The following AQP6 variants were observed in gnomAD, a reference collection of about 807,000 sequenced individuals.
AQP6 encodes the protein aquaporin 6.
AQP6 carries 14 observed loss-of-function variants against 16.3 expected under a neutral mutation model. The observed-to-expected ratio is 0.86, with a 90% CI of 0.57 to 1.34. The LOEUF (loss-of-function observed/expected upper bound fraction) is 1.34, where lower values mean the gene tolerates loss of function less well. Ranked by LOEUF, AQP6 falls within the 40% of genes most tolerant of loss-of-function variation. The probability of loss-of-function intolerance (pLI) is 0.00; values close to 1 mark genes in which losing one functional copy is unlikely to be tolerated. For missense variants in AQP6, 331 were observed against 379.7 expected, an observed-to-expected ratio of 0.87 and a Z score of 1.07; for synonymous variants, 178 against 166.8, an observed-to-expected ratio of 1.07 and a Z score of -0.52.
At chr12:49,974,165 A>T (rs1565644593) in intron 1 of AQP6, 159 bp from the exon 2 acceptor site, 27 of 1,359,378 alleles carry the variant, frequency 2.0e-5, no homozygotes, top group Non-Finnish European at 2.5e-5. Flanking sequence ...TCCAGAGCAG[A>T]TATGGACCCC....
At position 49,976,807 on chromosome 12, in the gene AQP6, C is replaced by T. The variant is rs1446386058; in HGVS notation, c.*1136C>T. On this transcript the variant is annotated 3_prime_UTR_variant, in exon 4 of 4. Coordinates refer to ENST00000315520, the MANE Select transcript of AQP6 (RefSeq NM_001652.4). ...GACTCATGACCTGGGTCAAAGAAGC[C>T]GTCTCCAGGCTCTCTGTCAGCATTA... 27 of 585,320 alleles carry T rather than the reference C, an allele frequency of 4.6e-5. No homozygotes were observed. The highest frequency in any genetic ancestry group is 4.3e-4 in the East Asian group (15 of 35,254). 36.3% of individuals were successfully genotyped at this position (585,320 alleles called of 1,614,324 possible).
In AQP6 at chr12:49,973,085, C is replaced by T. The variant is rs1947540121; in HGVS notation, c.-89C>T. 2 of 1,467,896 alleles carry T rather than the reference C, an allele frequency of 1.4e-6. No homozygotes were observed. Among genetic ancestry groups the T allele is most frequent in the Non-Finnish European group, 9.0e-7 (1 of 1,112,218 alleles). 90.9% of individuals were successfully genotyped at this position (1,467,896 alleles called of 1,614,324 possible). On this transcript the variant is annotated 5_prime_UTR_variant, in exon 1 of 4. The change creates a premature stop within an existing upstream ORF in the 5' untranslated region. Coordinates refer to ENST00000315520, the MANE Select transcript of AQP6 (RefSeq NM_001652.4). ...AGCAAAAGCCAGGGTCAGCCAGAGA[C>T]AGGACACCAGAAGAGACAGGAGATC...
At position 49,973,275 on chromosome 12, in the gene AQP6, G is replaced by C. The variant is rs142310884; in HGVS notation, c.102G>C (p.Thr34=). Residue 34 remains threonine, a synonymous_variant, in exon 1 of 4, where the codon ACG becomes ACC. Transcript: ENST00000315520. ...SRALFAEFLA[T]GLYVFFGVGS... ...CGCTGTTTGCAGAGTTCCTGGCCAC[G>C]GGGCTGTATGTGTTCTTTGGCGTGG... 1.2e-6 allele frequency: 2 copies of C among 1,613,870 alleles called. No individual in the cohort carries two copies. Among genetic ancestry groups the C allele is most frequent in the Non-Finnish European group, 1.7e-6 (2 of 1,180,030 alleles).
rs1592828050 is a variant in AQP6 at position 49,974,483 on chromosome 12, G to A, written c.561+1G>A. On this transcript the variant is annotated splice_donor_variant, in intron 2 of 3. Transcript: ENST00000315520. LOFTEE classifies it high-confidence loss of function. ...TGTGGCACTGGGCCACCTCATTGGG[G>A]TAAGGAACAGAGGGGACACCGTGCA... The A allele has an allele frequency of 6.2e-7, 1 of 1,604,350 alleles. No homozygotes were observed. Among genetic ancestry groups the A allele is most frequent in the Non-Finnish European group, 8.5e-7 (1 of 1,174,516 alleles).
Position 49,974,451 on chromosome 12 carries a change from G to A in AQP6, c.530G>A (p.Gly177Glu), listed in dbSNP as rs1947556010. 1 of 1,612,100 alleles carries A rather than the reference G, an allele frequency of 6.2e-7. No homozygotes were observed. Among genetic ancestry groups the A allele is most frequent in the African/African-American group, 1.3e-5 (1 of 74,868 alleles). The change falls in exon 2 of 4, where the codon GGG (glycine) becomes GAG (glutamate). Residue 177 changes from glycine to glutamate, a missense_variant. Coordinates refer to ENST00000315520, the MANE Select transcript of AQP6 (RefSeq NM_001652.4). ...TCAGGCTCCCCGGCCACCATGATTG[G>A]GATCTCTGTGGCACTGGGCCACCTC... ...QTSGSPATMI[G>E]ISVALGHLIG... is the part of the protein sequence containing the mutation.
In AQP6 at chr12:49,975,861, C is replaced by T. The variant is rs866947825; in HGVS notation, c.*190C>T. 18 of 700,390 alleles carry T rather than the reference C, an allele frequency of 2.6e-5. No individual in the cohort carries two copies. Among genetic ancestry groups the T allele is most frequent in the Middle Eastern group, 8.5e-4 (2 of 2,348 alleles). 43.4% of individuals were successfully genotyped at this position (700,390 alleles called of 1,614,324 possible). A position where few individuals can be genotyped will look rare whatever the true frequency, so the allele number is the denominator to read the frequency against. On this transcript the variant is annotated 3_prime_UTR_variant, in exon 4 of 4. Transcript: ENST00000315520. The surrounding 1 kb of genome is among the most constrained non-coding windows in gnomAD (Gnocchi z 4.4). ...GGAGTGAATTTGTCCCATTCCCTCT[C>T]TGTAGGGCTTCCCCACCTCTCGGTG... is the stretch of plus-strand genomic sequence containing the variant.
intron 1 of AQP6, chr12:49,973,932 C>T: frequency 8.5e-7 from 1 of 1,183,224 alleles, no homozygotes; most frequent in Non-Finnish European, 1.1e-6. Context: ...CACCCACGTC[C>T]TCTGCTCTCC....
At position 49,975,975 on chromosome 12, in the gene AQP6, C is replaced by CA. The variant is rs1381058125; in HGVS notation, c.*306dup. The CA allele has an allele frequency of 4.0e-6, 1 of 249,138 alleles. No homozygotes were observed. The highest frequency in any genetic ancestry group is 7.6e-6 in the Non-Finnish European group (1 of 131,428). The allele number at this position is 249,138 out of a possible 1,614,324, so 15.4% of individuals were successfully genotyped here. ...CGTAGGAGTCCTGACCCCAGATGCC[C>CA]AAGTCTTGGGGGAGAAAGGAATGGG... On this transcript the variant is annotated 3_prime_UTR_variant, in exon 4 of 4. Coordinates refer to ENST00000315520, the MANE Select transcript of AQP6 (RefSeq NM_001652.4). The surrounding 1 kb of genome is among the most constrained non-coding windows in gnomAD (Gnocchi z 4.4).
At position 49,975,695 on chromosome 12, in the gene AQP6, C is replaced by T. The variant is rs763440344; in HGVS notation, c.*24C>T. The T allele has an allele frequency of 1.3e-6, 2 of 1,489,786 alleles. No homozygotes were observed. The highest frequency in any genetic ancestry group is 5.2e-5 in the Admixed American group (2 of 38,458). 92.3% of individuals were successfully genotyped at this position (1,489,786 alleles called of 1,614,324 possible). A position where few individuals can be genotyped will look rare whatever the true frequency, so the allele number is the denominator to read the frequency against. On this transcript the variant is annotated 3_prime_UTR_variant, in exon 4 of 4. Coordinates refer to ENST00000315520, the MANE Select transcript of AQP6 (RefSeq NM_001652.4). The surrounding 1 kb of genome is among the most constrained non-coding windows in gnomAD (Gnocchi z 4.4). ...GAAACAGCCTACGCCTGGCCGCGCC[C>T]TTGGGCTTCCTGCCTTGCAGGACCT...
rs1308091430 is a variant in AQP6, at chr12:49,973,772, T to G, written c.402+197T>G. On this transcript the variant is annotated intron_variant, in intron 1 of 3. Coordinates refer to ENST00000315520, the MANE Select transcript of AQP6 (RefSeq NM_001652.4). ...TCTAGGCAGAATAGAAATGGGATAG[T>G]GGCGCGAAGAACAGGTGGAGAAGGA... 8 of 1,078,694 alleles carry G rather than the reference T, an allele frequency of 7.4e-6. No individual in the cohort carries two copies. In the East Asian group the frequency reaches 1.6e-4, roughly 21 times the overall value. The allele number at this position is 1,078,694 out of a possible 1,614,324, so 66.8% of individuals were successfully genotyped here.
chr12:49,975,117 T>G lies in AQP6; in HGVS notation c.642+291T>G. The stretch of plus-strand genomic sequence containing the variant: ...GGATAAAGAAAAAGACAAACAGAAA[T>G]AGACACACACACCAGCAGAGACAGA... On this transcript the variant is annotated intron_variant, in intron 3 of 3. Coordinates refer to ENST00000315520, the MANE Select transcript of AQP6 (RefSeq NM_001652.4). This position sits in a 1 kb window ranked among gnomAD's most constrained non-coding sequence, Gnocchi z 4.4. 1.5e-6 allele frequency: 2 copies of G among 1,316,170 alleles called. No individual in the cohort carries two copies. Among genetic ancestry groups the G allele is most frequent in the South Asian group, 2.0e-5 (1 of 50,280 alleles). The allele number at this position is 1,316,170 out of a possible 1,614,324, so 81.5% of individuals were successfully genotyped here.
At chr12:49,974,584 C>A in intron 2 of AQP6, 102 bp downstream of exon 2, 3 of 1,452,088 alleles carry the variant, frequency 2.1e-6, no homozygotes, top group East Asian at 2.4e-5. Flanking sequence ...CTGAGCCCCT[C>A]GTGCCTTGGA....
Position 49,975,712 on chromosome 12 carries a change from G to T in AQP6, c.*41G>T. On this transcript the variant is annotated 3_prime_UTR_variant, in exon 4 of 4. Transcript: ENST00000315520. This position sits in a 1 kb window ranked among gnomAD's most constrained non-coding sequence, Gnocchi z 4.4. ...GCCGCGCCCTTGGGCTTCCTGCCTTGCAGGACCTGCCTGGAGGTTCTCCCT... is the reference window on the plus strand; with the variant it reads ...GCCGCGCCCTTGGGCTTCCTGCCTTTCAGGACCTGCCTGGAGGTTCTCCCT... 1 of 1,471,428 alleles carries T rather than the reference G, an allele frequency of 6.8e-7. No individual in the cohort carries two copies. Among genetic ancestry groups the T allele is most frequent in the Non-Finnish European group, 9.0e-7 (1 of 1,114,076 alleles). 91.1% of individuals were successfully genotyped at this position (1,471,428 alleles called of 1,614,324 possible).
intron 3 of AQP6, 37 bp downstream of exon 3, chr12:49,974,863 G>A (rs1285223255): frequency 1.2e-6 from 2 of 1,611,008 alleles, no homozygotes; most frequent in South Asian, 2.2e-5. Flanking sequence ...GGAGGGAAGG[G>A]AGCCTGAGTT....
intron 1 of AQP6, chr12:49,974,016 G>A (rs891128559): frequency 1.7e-6 from 2 of 1,183,740 alleles, no homozygotes; most frequent in Middle Eastern, 2.2e-4. Context: ...AACCATCTGT[G>A]TTCCACCTTC....
At position 49,975,473 on chromosome 12, in the gene AQP6, G is replaced by A. The variant is rs1262368222; in HGVS notation, c.651G>A (p.Trp217Ter). 2.5e-6 allele frequency: 4 copies of A among 1,601,090 alleles called. No individual in the cohort carries two copies. The highest frequency in any genetic ancestry group is 3.4e-6 in the Non-Finnish European group (4 of 1,175,534). Residue 217 changes from tryptophan to a stop codon, truncating the protein, a stop_gained, in exon 4 of 4, where the codon TGG (tryptophan) becomes TGA (stop). Transcript: ENST00000315520. LOFTEE classifies it low-confidence loss of function (END_TRUNC). The surrounding 1 kb of genome is among the most constrained non-coding windows in gnomAD (Gnocchi z 4.4). ...GACATCCTTCTCCTCAGGTCTTCTG[G>A]GTGGGGCCCCTGATGGGAGCCCTCC... ...IGKFTVHWVFWVGPLMGALLA... is the reference protein window; with the variant it reads ...IGKFTVHWVF
rs1565645606 is a variant in AQP6 at position 49,976,825 on chromosome 12, C to G, written c.*1154C>G. On this transcript the variant is annotated 3_prime_UTR_variant, in exon 4 of 4. Transcript: ENST00000315520. ...AAGAAGCCGTCTCCAGGCTCTCTGT[C>G]AGCATTACAGGATCCCCAGAAAGCT... The G allele has an allele frequency of 1.7e-6, 1 of 596,606 alleles. No homozygotes were observed. Among genetic ancestry groups the G allele is most frequent in the East Asian group, 2.8e-5 (1 of 35,614 alleles). The allele number at this position is 596,606 out of a possible 1,614,324, so 37.0% of individuals were successfully genotyped here.
At position 49,975,817 on chromosome 12, in the gene AQP6, C is replaced by T. The variant is rs1472071184; in HGVS notation, c.*146C>T. 1.4e-5 allele frequency: 16 copies of T among 1,111,008 alleles called. No homozygotes were observed. The highest frequency in any genetic ancestry group is 6.8e-5 in the South Asian group (3 of 44,104). 68.8% of individuals were successfully genotyped at this position (1,111,008 alleles called of 1,614,324 possible). A position where few individuals can be genotyped will look rare whatever the true frequency, so the allele number is the denominator to read the frequency against. ...GGGACAAGCCCTATCCCTGGCATTA[C>T]GTTTCTAGGTAGAATCTGGGAGTGA... On this transcript the variant is annotated 3_prime_UTR_variant, in exon 4 of 4. Coordinates refer to ENST00000315520, the MANE Select transcript of AQP6 (RefSeq NM_001652.4). This position sits in a 1 kb window ranked among gnomAD's most constrained non-coding sequence, Gnocchi z 4.4.
Position 49,973,431 on chromosome 12 carries a change from G to T in AQP6, c.258G>T (p.Thr86=). ...GGGCCCACGCCAACCCCGCCGTGAC[G>T]CTGGCCTTCCTCGTAGGCTCCCACA... ...ASGAHANPAV[T]LAFLVGSHIS... is the part of the protein sequence containing the mutation. The change falls in exon 1 of 4, where the codon ACG becomes ACT. Residue 86 remains threonine, a synonymous_variant. Coordinates refer to ENST00000315520, the MANE Select transcript of AQP6 (RefSeq NM_001652.4). The T allele has an allele frequency of 1.9e-6, 3 of 1,613,328 alleles. No individual in the cohort carries two copies. Among genetic ancestry groups the T allele is most frequent in the Non-Finnish European group, 2.5e-6 (3 of 1,180,032 alleles).
Sources: gnomAD v4.1 joint callset for allele counts on GRCh38, gnomAD v4.1.1 for gene constraint, Gnocchi (gnomAD v3.1) non-coding constraint, MANE v1.5 for transcripts, NCBI Gene and HGNC (gene_info 2026-07-23, HGNC 2026-07-21) for gene names.